The following KIF25 variants were observed in gnomAD, a reference collection of about 807,000 sequenced individuals.
The protein encoded by KIF25 is kinesin-like protein KIF25.
In KIF25, 19 loss-of-function variants were observed where a neutral mutation model predicts 32.9. The ratio of observed to expected loss-of-function variants is 0.58; its 90% CI spans 0.40 to 0.85. The LOEUF is 0.85. Among genes scored for constraint, KIF25 ranks in the 40% least tolerant of loss-of-function variants. The pLI, the probability that KIF25 is intolerant of heterozygous loss-of-function variation, is 0.00. For missense variants in KIF25, 485 were observed against 507.0 expected (o/e 0.96, Z 0.42); for synonymous variants, 225 against 213.7 (o/e 1.05, Z -0.46).
intron 5 of KIF25, among the ~76,000 whole-genome samples, chr6:168,028,126 A>G (rs973543359): frequency 6.6e-6 from 1 of 151,828 alleles, no homozygotes; most frequent in African/African-American, 2.4e-5. Flanking sequence ...TAAAGAATTG[A>G]CCCCATTTTA....
At chr6:168,033,485 G>C (rs1038328021) in intron 7 of KIF25, among the ~76,000 whole-genome samples, 2 of 141,612 alleles carry the variant, frequency 1.4e-5, no homozygotes, top group Non-Finnish European at 3.0e-5. Flanking sequence ...ATGTGACAGA[G>C]CAAGAATCCG....
At chr6:168,040,330 C>T in intron 10 of KIF25, 114 bp downstream of exon 10, 1 of 1,080,820 alleles carries the variant, frequency 9.3e-7, no homozygotes, top group Non-Finnish European at 1.3e-6. Flanking sequence ...CTTTGGGAGA[C>T]TGAGGCGGGT....
intron 2 of KIF25, among the ~76,000 whole-genome samples, chr6:168,001,267 G>T (rs1489109968): frequency 6.6e-6 from 1 of 152,238 alleles, no homozygotes; most frequent in Non-Finnish European, 1.5e-5. Flanking sequence ...AATCCAGTGG[G>T]CATTTTCTTT....
rs1373261674 is a variant in KIF25, at chr6:168,038,648, G to A, written c.413G>A (p.Ser138Asn). The change falls in exon 9 of 13, where the codon AGC becomes AAC. Residue 138 changes from serine to asparagine, a missense_variant. By Grantham distance (46) the Ser-to-Asn change is conservative (BLOSUM62 1). Around this residue, in one of 2 missense-constraint regions of KIF25, gnomAD observed 480 missense variants for 470.3 expected, o/e 1.02. Transcript: ENST00000643607. Reference protein sequence around the residue: ...NDIFDLLAKDSIAAVSGVKRE... With the variant: ...NDIFDLLAKDNIAAVSGVKRE... ...ATTTTTGACCTTCTGGCCAAAGACA[G>A]CATTGCAGCAGTGTCGGGGGTCAAG... is the stretch of plus-strand genomic sequence containing the variant. 2 of 1,614,114 alleles carry A rather than the reference G, an allele frequency of 1.2e-6. No homozygotes were observed. Among genetic ancestry groups the A allele is most frequent in the African/African-American group, 2.7e-5 (2 of 74,938 alleles).
Position 168,042,450 on chromosome 6 carries a change from C to T in KIF25, c.830-111C>T, listed in dbSNP as rs1023015103. 5 of 1,345,364 alleles carry T rather than the reference C, an allele frequency of 3.7e-6. No homozygotes were observed. The African/African-American group carries it at 7.3e-5, about 20-fold the overall frequency. The allele number at this position is 1,345,364 out of a possible 1,614,324, so 83.3% of individuals were successfully genotyped here. Reference sequence around the variant, plus strand: ...CACTCACTCTCATGCCTGTCCCGTCCATGGCCTCCCCTCTACCTGCCTGAG... The same window carrying T: ...CACTCACTCTCATGCCTGTCCCGTCTATGGCCTCCCCTCTACCTGCCTGAG... On this transcript the variant is annotated intron_variant, in intron 11 of 12. Coordinates refer to ENST00000643607, the MANE Select transcript of KIF25 (RefSeq NM_030615.4).
At chr6:168,008,575 T>C (rs1798607192) in intron 4 of KIF25, among the ~76,000 whole-genome samples, 1 of 152,222 alleles carries the variant, frequency 6.6e-6, no homozygotes, top group Non-Finnish European at 1.5e-5. Flanking sequence ...TGTGGTTCCA[T>C]ACAAATTTTA....
chr6:168,015,278 T>G (rs1012103793), intron 4 of KIF25, among the ~76,000 whole-genome samples: 5 of 152,168 alleles, frequency 3.3e-5, no homozygotes, highest in Admixed American at 3.3e-4. Flanking sequence ...ACGGGTCTCC[T>G]CTTCCTCTCA....
intron 2 of KIF25, among the ~76,000 whole-genome samples, chr6:168,001,556 G>C (rs1053424670): frequency 3.0e-5 from 3 of 98,454 alleles, no homozygotes; most frequent in Admixed American, 3.0e-4. Context: ...GCGTGGCCTC[G>C]GGCAGGTGAG....
intron 8 of KIF25, among the ~76,000 whole-genome samples, chr6:168,036,718 T>G (rs1262100622): frequency 6.6e-6 from 1 of 152,242 alleles, no homozygotes; most frequent in Non-Finnish European, 1.5e-5. Context: ...GTTAAGTTTC[T>G]GGATATGTGG....
At chr6:168,012,054 T>C (rs1798654320) in intron 4 of KIF25, among the ~76,000 whole-genome samples, 1 of 152,010 alleles carries the variant, frequency 6.6e-6, no homozygotes, top group Non-Finnish European at 1.5e-5. Context: ...TATAATTCTG[T>C]CTCTTTATTG....
intron 7 of KIF25, among the ~76,000 whole-genome samples, 188 bp from the exon 8 acceptor site, chr6:168,033,694 G>C (rs956554204): frequency 6.6e-6 from 1 of 152,094 alleles, no homozygotes; most frequent in African/African-American, 2.4e-5. Flanking sequence ...CGTACAACAA[G>C]ATAGCAACAA....
chr6:168,013,207 G>A (rs892464811), intron 4 of KIF25, among the ~76,000 whole-genome samples: 4 of 151,786 alleles, frequency 2.6e-5, no homozygotes, highest in Admixed American at 2.0e-4. Flanking sequence ...GGAGGCTCAG[G>A]TGCCTCTCCT....
intron 5 of KIF25, among the ~76,000 whole-genome samples, chr6:168,025,257 G>C (rs542725876): frequency 1.3e-5 from 2 of 152,134 alleles, no homozygotes; most frequent in Admixed American, 6.5e-5. Context: ...TGTCTCCTTC[G>C]TGATGAATTC....
rs148907230 is a variant in KIF25 at position 168,040,147 on chromosome 6, G to A, written c.577G>A (p.Ala193Thr). 4.4e-5 allele frequency: 71 copies of A among 1,614,076 alleles called. No homozygotes were observed. The highest frequency in any genetic ancestry group is 2.0e-4 in the African/African-American group (15 of 75,070). ...LRAKHPTLVH[A>T]DSSRSHLIIT... ...GGCGAAGCACCCCACCCTGGTGCAC[G>A]CGGATTCCTCCAGGTCTCACCTGAT... Residue 193 changes from alanine to threonine, a missense_variant, in exon 10 of 13, where the codon GCG becomes ACG. Physicochemically the swap from Ala to Thr is moderately conservative, Grantham distance 58. Around this residue, in one of 2 missense-constraint regions of KIF25, gnomAD observed 480 missense variants for 470.3 expected, o/e 1.02. Transcript: ENST00000643607.
chr6:168,041,429 C>T (rs537339014), intron 10 of KIF25, among the ~76,000 whole-genome samples: 2 of 152,270 alleles, frequency 1.3e-5, no homozygotes, highest in Admixed American at 1.3e-4. Flanking sequence ...GGTGTGGCTG[C>T]CAGTGGTGGT....
In KIF25 at chr6:167,999,821, C is replaced by T. The variant is rs915662006; in HGVS notation, c.-370+501C>T. 2.6e-5 allele frequency among the ~76,000 whole-genome samples: 4 copies of T among 152,258 alleles called. No homozygotes were observed. The East Asian group carries it at 7.7e-4, about 29-fold the overall frequency. On this transcript the variant is annotated intron_variant, in intron 2 of 12. Transcript: ENST00000643607. ...CAAAATTATCTGAAGTTCATTTACT[C>T]AAATGCTTACTTGAAAACCATACTC... is the stretch of plus-strand genomic sequence containing the variant.
At chr6:168,018,405 A>ACAATGCTTGGTAAATTAGGTGTAT (rs1798744606) in intron 5 of KIF25, among the ~76,000 whole-genome samples, 1 of 152,234 alleles carries the variant, frequency 6.6e-6, no homozygotes, top group Non-Finnish European at 1.5e-5. Context: ...AGGCTGAGCT[A>ACAATGCTTGGTAAATTAGGTGTAT]CAATGCTTGG....
chr6:168,042,644 G>T lies in KIF25; in HGVS notation c.913G>T (p.Ala305Ser), dbSNP rs1799143197. The change falls in exon 12 of 13, where the codon GCT (alanine) becomes TCT (serine). Residue 305 changes from alanine (A) to serine (S), a missense_variant. Physicochemically the swap from Ala to Ser is moderately conservative, Grantham distance 99 (BLOSUM62 1). This residue lies in a region of KIF25 where 480 missense variants were observed against 470.3 expected (regional missense o/e 1.02). Transcript: ENST00000643607. ...TGCGGCCCTGGCAGGCGTCCTGGGG[G>T]CTTTGTTGGAGCACCGTGGCCATGC... Reference protein sequence around the residue: ...SLAALAGVLGALLEHRGHAPY... With the variant: ...SLAALAGVLGSLLEHRGHAPY... The T allele has an allele frequency of 1.2e-6, 2 of 1,613,734 alleles. No individual in the cohort carries two copies. Among genetic ancestry groups the T allele is most frequent in the Admixed American group, 3.3e-5 (2 of 60,004 alleles).
In KIF25 at chr6:167,998,745, C is replaced by T. The variant is rs759310771; in HGVS notation, c.-724C>T. The T allele has an allele frequency of 2.0e-5, 3 of 152,148 alleles. No homozygotes were observed. Among genetic ancestry groups the T allele is most frequent in the African/African-American group, 4.8e-5 (2 of 41,440 alleles). The allele number at this position is 152,148 out of a possible 1,614,324, so 9.4% of individuals were successfully genotyped here. ...GTGAACACATTTGTGAAGTATGAAT[C>T]CAGAAGTTTAAAATAACTGTTCATG... On this transcript the variant is annotated 5_prime_UTR_variant, in exon 1 of 13. Transcript: ENST00000643607.
Sources: gnomAD v4.1 joint callset for allele counts (sites outside exome capture counted in the v4.1 genomes callset) on GRCh38, gnomAD v4.1.1 for gene constraint, gnomAD v4.1.1 regional missense constraint, MANE v1.5 for transcripts, NCBI Gene and HGNC (gene_info 2026-07-23, HGNC 2026-07-21) for gene names.